The following DGKB variants were observed in gnomAD, a reference collection of about 807,000 sequenced individuals.
The protein encoded by DGKB is 90 kDa diacylglycerol kinase.
A neutral mutation model predicts 114.3 loss-of-function variants in DGKB; 67 were observed. The ratio of observed to expected loss-of-function variants is 0.59; its 90% CI spans 0.48 to 0.72. The LOEUF is 0.72. Among genes scored for constraint, DGKB ranks in the 30% least tolerant of loss-of-function variants. The probability of loss-of-function intolerance (pLI) is 0.00; values close to 1 mark genes in which losing one functional copy is unlikely to be tolerated. For missense variants in DGKB, 907 were observed against 975.2 expected (o/e 0.93, Z 0.93); for synonymous variants, 398 against 323.1 (o/e 1.23, Z -2.49).
chr7:14,159,897 C>T (rs994469220), intron 25 of DGKB, among the ~76,000 whole-genome samples: 1 of 152,104 alleles, frequency 6.6e-6, no homozygotes, highest in African/African-American at 2.4e-5. Flanking sequence ...TTCTCAAACT[C>T]CTGATCTTGG....
At chr7:14,517,574 C>G (rs1425224530) in intron 20 of DGKB, among the ~76,000 whole-genome samples, 1 of 151,974 alleles carries the variant, frequency 6.6e-6, no homozygotes, top group Non-Finnish European at 1.5e-5. Context: ...TGAAAAAAGT[C>G]TAATTTCCAG....
At chr7:14,191,430 C>A in intron 23 of DGKB, 1 of 168,394 alleles carries the variant, frequency 5.9e-6, no homozygotes, top group South Asian at 1.8e-4. Flanking sequence ...GATGGAAAAT[C>A]ACCTGTAAAG....
At chr7:14,750,866 C>T (rs1342906112) in intron 4 of DGKB, among the ~76,000 whole-genome samples, 22 of 133,144 alleles carry the variant, frequency 1.7e-4, no homozygotes, top group African/African-American at 5.2e-4. Context: ...TGCAATGGCG[C>T]GATCTCGGTT....
intron 20 of DGKB, among the ~76,000 whole-genome samples, chr7:14,510,082 G>A (rs547143860): frequency 1.3e-5 from 2 of 152,188 alleles, no homozygotes; most frequent in South Asian, 2.1e-4. Flanking sequence ...AGGCTGAGGC[G>A]GGGATCTTGT....
At chr7:14,632,254 T>C (rs1809868828) in intron 13 of DGKB, among the ~76,000 whole-genome samples, 1 of 152,100 alleles carries the variant, frequency 6.6e-6, no homozygotes, top group South Asian at 2.1e-4. Flanking sequence ...TATGGAATCA[T>C]TGTTAATTTT....
At chr7:14,834,450 T>C (rs1846863624) in intron 2 of DGKB, among the ~76,000 whole-genome samples, 1 of 152,114 alleles carries the variant, frequency 6.6e-6, no homozygotes, top group Admixed American at 6.6e-5. Context: ...TTAAATATGG[T>C]CATGTGAATT....
chr7:14,794,296 C>T (rs745609528), intron 2 of DGKB, among the ~76,000 whole-genome samples: 5 of 152,110 alleles, frequency 3.3e-5, no homozygotes, highest in Middle Eastern at 3.2e-3. Context: ...ACACTAATAA[C>T]TCTATTCTCA....
intron 1 of DGKB, among the ~76,000 whole-genome samples, chr7:14,966,636 G>C (rs1389028134): frequency 6.6e-6 from 1 of 151,990 alleles, no homozygotes; most frequent in East Asian, 1.9e-4. Flanking sequence ...GTTGTTTACT[G>C]CCTGAGCTTG....
At chr7:14,639,625 C>G (rs1246085419) in intron 13 of DGKB, among the ~76,000 whole-genome samples, 1 of 152,156 alleles carries the variant, frequency 6.6e-6, no homozygotes, top group African/African-American at 2.4e-5. Flanking sequence ...AGGAACAATC[C>G]TATGATTGGA....
At chr7:14,607,412 A>G (rs761249133) in intron 17 of DGKB, 22 bp downstream of exon 17, 230 of 1,273,146 alleles carry the variant, frequency 1.8e-4, no homozygotes, top group Non-Finnish European at 5.1e-5. Flanking sequence ...GTTAATGGTA[A>G]TAATATTATC....
intron 13 of DGKB, among the ~76,000 whole-genome samples, chr7:14,639,662 G>A (rs1051898832): frequency 1.3e-5 from 2 of 152,164 alleles, no homozygotes; most frequent in African/African-American, 2.4e-5. Context: ...CTAAAGGTAC[G>A]GGCCAAGGCT....
chr7:14,574,926 T>C (rs1321079864), intron 19 of DGKB, among the ~76,000 whole-genome samples: 1 of 152,204 alleles, frequency 6.6e-6, no homozygotes, highest in South Asian at 2.1e-4. Flanking sequence ...CTTTTCTTTT[T>C]GGCTGGTTTG....
At chr7:14,298,061 C>T (rs756251719) in intron 23 of DGKB, among the ~76,000 whole-genome samples, 14 of 152,094 alleles carry the variant, frequency 9.2e-5, no homozygotes, top group Non-Finnish European at 1.6e-4. Context: ...AGAAAGAATA[C>T]AAACAAATGG....
At chr7:14,652,055 G>A (rs1183708036) in intron 13 of DGKB, among the ~76,000 whole-genome samples, 23 of 114,764 alleles carry the variant, frequency 2.0e-4, no homozygotes, top group East Asian at 5.4e-4. Flanking sequence ...AATCAATATC[G>A]TGAAAATGGC....
Position 14,245,167 on chromosome 7 carries a change from TAC to T in DGKB, c.2123-67018_2123-67017del, listed in dbSNP as rs111929500. Among the ~76,000 whole-genome samples, 1,117 of 148,896 alleles carry T rather than the reference TAC, an allele frequency of 7.5e-3. 10 individuals are homozygous for T. The highest frequency in any genetic ancestry group is 0.023 in the African/African-American group (931 of 40,922). ...TTAGGGAAATGTGCATATGTACACA[TAC>T]ACACACACACACACACGCACAAAAC... is the stretch of plus-strand genomic sequence containing the variant. On this transcript the variant is annotated intron_variant, in intron 23 of 25. Coordinates refer to ENST00000402815, the MANE Select transcript of DGKB (RefSeq NM_001350709.2).
At chr7:14,689,093 A>G (rs1019616359) in intron 9 of DGKB, among the ~76,000 whole-genome samples, 56 of 152,056 alleles carry the variant, frequency 3.7e-4, no homozygotes, top group African/African-American at 1.2e-3. Flanking sequence ...TAATGTTACA[A>G]ATAATTACTT....
In DGKB at chr7:14,684,275, A is replaced by T. The variant is rs115067116; in HGVS notation, c.829+970T>A. 3.6e-3 allele frequency among the ~76,000 whole-genome samples: 545 copies of T among 152,292 alleles called. 2 individuals carry two copies. Among genetic ancestry groups the T allele is most frequent in the African/African-American group, 0.013 (534 of 41,578 alleles). On this transcript the variant is annotated intron_variant, in intron 10 of 25. Coordinates refer to ENST00000402815, the MANE Select transcript of DGKB (RefSeq NM_001350709.2). ...AAGAAGCTGCTAGCTAACGACAAACAAACAAACAAACAAAAAACCTATAAA... is the reference window on the plus strand; with the variant it reads ...AAGAAGCTGCTAGCTAACGACAAACTAACAAACAAACAAAAAACCTATAAA...
intron 1 of DGKB, among the ~76,000 whole-genome samples, chr7:14,944,029 TGA>T (rs1785720811): frequency 3.9e-5 from 6 of 151,912 alleles, no homozygotes; most frequent in Non-Finnish European, 2.9e-5. Flanking sequence ...TTCTGCAAGC[TGA>T]TAAATGAATT....
At position 14,759,353 on chromosome 7, in the gene DGKB, C is replaced by T. The variant is rs190116631; in HGVS notation, c.71-1622G>A. On this transcript the variant is annotated intron_variant, in intron 2 of 25. Transcript: ENST00000402815. Reference sequence around the variant, plus strand: ...TGTGCAATCATTACCTCTGATTAATCCCATAACATTTTCATCACCCTGTAA... The same window carrying T: ...TGTGCAATCATTACCTCTGATTAATTCCATAACATTTTCATCACCCTGTAA... 2.0e-4 allele frequency among the ~76,000 whole-genome samples: 31 copies of T among 152,248 alleles called. No homozygotes were observed. The East Asian group carries it at 5.6e-3, about 28-fold the overall frequency.
Sources: gnomAD v4.1 joint callset for allele counts (sites outside exome capture counted in the v4.1 genomes callset) on GRCh38, gnomAD v4.1.1 for gene constraint, MANE v1.5 for transcripts, NCBI Gene and HGNC (gene_info 2026-07-23, HGNC 2026-07-21) for gene names.